PRKG1: variants seen among roughly 807,000 people sequenced by gnomAD.
The protein encoded by PRKG1 is protein kinase cGMP-dependent 1.
A neutral mutation model predicts 88.1 loss-of-function variants in PRKG1; 35 were observed. That is an observed-to-expected ratio of 0.40 (90% CI 0.30 to 0.53). The LOEUF is 0.53. PRKG1 is among the 20% of genes least tolerant of loss of function. The pLI is 0.59. For synonymous variants in PRKG1, 303 were observed against 292.5 expected (o/e 1.04, Z -0.37); for missense variants, 540 against 839.8 (o/e 0.64, Z 4.41).
intron 5 of PRKG1, among the ~76,000 whole-genome samples, chr10:52,036,824 T>G (rs1845624669): frequency 6.6e-6 from 1 of 151,960 alleles, no homozygotes; most frequent in Non-Finnish European, 1.5e-5. Flanking sequence ...TTGGGGAGTT[T>G]TAAGAGGTTT....
intron 5 of PRKG1, among the ~76,000 whole-genome samples, chr10:52,031,662 C>G (rs756378307): frequency 2.0e-5 from 3 of 152,082 alleles, no homozygotes; most frequent in Non-Finnish European, 4.4e-5. Flanking sequence ...GCGTTCTAAG[C>G]ATAAAGCATT....
intron 2 of PRKG1, among the ~76,000 whole-genome samples, chr10:51,317,181 T>A (rs1015057622): frequency 6.6e-6 from 1 of 152,244 alleles, no homozygotes; most frequent in Non-Finnish European, 1.5e-5. Context: ...TTATACTTTT[T>A]CTAAGCACCA....
intron 3 of PRKG1, among the ~76,000 whole-genome samples, chr10:51,531,834 G>T (rs968409684): frequency 1.3e-5 from 2 of 151,470 alleles, no homozygotes; most frequent in African/African-American, 2.4e-5. Context: ...TAGTAGACAC[G>T]GGGTTTTACC....
In PRKG1 at chr10:51,019,346, G is replaced by A. The variant is rs140519088; in HGVS notation, c.266+27702G>A. 2.0e-5 allele frequency among the ~76,000 whole-genome samples: 3 copies of A among 152,250 alleles called. No individual in the cohort carries two copies. The East Asian group carries it at 5.8e-4, about 29-fold the overall frequency. ...TAGGGAGGCCGGAAATAAATAAGAT[G>A]TATGATCAGTTGACTTTTGACAAGG... On this transcript the variant is annotated intron_variant, in intron 1 of 17. Transcript: ENST00000401604.
intron 5 of PRKG1, among the ~76,000 whole-genome samples, chr10:52,024,892 G>C (rs1280289800): frequency 6.6e-6 from 1 of 152,138 alleles, no homozygotes; most frequent in Non-Finnish European, 1.5e-5. Flanking sequence ...CTAGATCCTT[G>C]AGGAATTGCC....
intron 2 of PRKG1, among the ~76,000 whole-genome samples, chr10:51,202,737 C>T (rs1455967475): frequency 6.6e-6 from 1 of 152,054 alleles, no homozygotes; most frequent in Non-Finnish European, 1.5e-5. Context: ...ATTTGAGATT[C>T]GTTTGAGAAT....
intron 1 of PRKG1, among the ~76,000 whole-genome samples, chr10:51,103,362 G>C (rs527678269): frequency 6.6e-6 from 1 of 152,254 alleles, no homozygotes; most frequent in African/African-American, 2.4e-5. Context: ...CAAGCTTCAA[G>C]GGGAAATATA....
rs114042983 is a variant in PRKG1, at chr10:51,798,880, A to C, written c.593-5705A>C. ...ACAGTGCTGTCTGCACTTTTGAATA[A>C]TATGAATGCAGCATTCATTATTCCA... On this transcript the variant is annotated intron_variant, in intron 3 of 17. Transcript: ENST00000373980. 6.2e-3 allele frequency among the ~76,000 whole-genome samples: 950 copies of C among 152,228 alleles called. 12 individuals are homozygous for C. Among genetic ancestry groups the C allele is most frequent in the African/African-American group, 0.019 (795 of 41,542 alleles).
At chr10:51,131,061 A>T (rs534911055) in intron 1 of PRKG1, among the ~76,000 whole-genome samples, 220 of 152,354 alleles carry the variant, frequency 1.4e-3, no homozygotes, top group Middle Eastern at 0.01. Flanking sequence ...TAAACAGTAA[A>T]TAGTCAAAGC....
At chr10:51,815,689 G>C (rs1256899122) in intron 4 of PRKG1, among the ~76,000 whole-genome samples, 1 of 152,042 alleles carries the variant, frequency 6.6e-6, no homozygotes, top group Non-Finnish European at 1.5e-5. Context: ...TTGTTTGTTT[G>C]TTTTTGGTTT....
At chr10:51,530,483 C>T (rs1841990923) in intron 3 of PRKG1, among the ~76,000 whole-genome samples, 1 of 152,144 alleles carries the variant, frequency 6.6e-6, no homozygotes, top group Admixed American at 6.5e-5. Flanking sequence ...CAAGCACCTA[C>T]CTATCCTGCC....
intron 3 of PRKG1, among the ~76,000 whole-genome samples, chr10:51,678,557 G>A (rs1840767499): frequency 6.6e-6 from 1 of 152,168 alleles, no homozygotes; most frequent in South Asian, 2.1e-4. Flanking sequence ...TCTAAATAGA[G>A]CCTGGTGGTG....
chr10:51,764,818 T>C (rs1838115485), intron 3 of PRKG1, among the ~76,000 whole-genome samples: 2 of 152,192 alleles, frequency 1.3e-5, no homozygotes, highest in Admixed American at 6.5e-5. Flanking sequence ...GGGGAGGTGA[T>C]TAAATCACAA....
At chr10:51,379,415 A>G (rs1358248733) in intron 2 of PRKG1, among the ~76,000 whole-genome samples, 1 of 152,224 alleles carries the variant, frequency 6.6e-6, no homozygotes, top group African/African-American at 2.4e-5. Context: ...AGATGAGGAA[A>G]CAAGAGCATA....
chr10:51,094,900 A>G (rs1377354264), intron 1 of PRKG1, among the ~76,000 whole-genome samples: 2 of 152,158 alleles, frequency 1.3e-5, no homozygotes, highest in Non-Finnish European at 2.9e-5. Flanking sequence ...ATTAGTCCAC[A>G]ATTAGCATTT....
chr10:51,944,512 G>A (rs112464251), intron 5 of PRKG1, among the ~76,000 whole-genome samples: 3,916 of 151,938 alleles, frequency 0.026, 206 homozygotes, highest in African/African-American at 0.091. Context: ...GAATGTGTTT[G>A]CTCTTACTTT....
chr10:51,626,114 CTT>C (rs1278747321), intron 3 of PRKG1, among the ~76,000 whole-genome samples: 1 of 152,152 alleles, frequency 6.6e-6, no homozygotes, highest in East Asian at 1.9e-4. Context: ...AGGGAAGAAA[CTT>C]AACATTTTAT....
chr10:51,885,307 A>T (rs1254330348), intron 4 of PRKG1, among the ~76,000 whole-genome samples: 1 of 152,236 alleles, frequency 6.6e-6, no homozygotes, highest in East Asian at 1.9e-4. Context: ...AGTGGAGCCA[A>T]GGGGATTGTG....
At chr10:51,681,910 A>G (rs1230053038) in intron 3 of PRKG1, among the ~76,000 whole-genome samples, 2 of 152,186 alleles carry the variant, frequency 1.3e-5, no homozygotes, top group Admixed American at 1.3e-4. Context: ...TCATAAAACA[A>G]ACATTGAAGA....
Sources: allele counts gnomAD v4.1 joint callset (sites outside exome capture counted in the v4.1 genomes callset), GRCh38; gene constraint gnomAD v4.1.1; transcripts MANE v1.5; gene names NCBI Gene and HGNC (gene_info 2026-07-23, HGNC 2026-07-21).